Variants in P2RY2 observed in about 807,000 individuals in gnomAD.
P2RY2 encodes the protein P2Y purinoceptor 2.
For synonymous variants in P2RY2, 241 were observed against 231.9 expected, an observed-to-expected ratio of 1.04 and a Z score of -0.35; for missense variants, 567 against 515.7, an observed-to-expected ratio of 1.10 and a Z score of -0.96.
intron 1 of P2RY2, among the ~76,000 whole-genome samples, chr11:73,227,094 A>G (rs1451348276): frequency 6.6e-6 from 1 of 151,794 alleles, no homozygotes; most frequent in African/African-American, 2.4e-5. Flanking sequence ...CACAACCCCA[A>G]CAGGCCCTGG....
In P2RY2 at chr11:73,234,156, G is replaced by A. The variant is rs532902741; in HGVS notation, c.-4G>A. 76 of 1,599,714 alleles carry A rather than the reference G, an allele frequency of 4.8e-5. No homozygotes were observed. The South Asian group carries it at 7.3e-4, about 15-fold the overall frequency. On this transcript the variant is annotated splice_region_variant and 5_prime_UTR_variant, in exon 3 of 3. Transcript: ENST00000393597. ...GGCCCCACCCCTCCCTTCCCTGCAG[G>A]GCGATGGCAGCAGACCTGGGCCCCT... is the stretch of plus-strand genomic sequence containing the variant.
Position 73,225,480 on chromosome 11 carries a change from C to T in P2RY2, c.-199-2501C>T, listed in dbSNP as rs190181974. Among the ~76,000 whole-genome samples, 687 of 152,286 alleles carry T rather than the reference C, an allele frequency of 4.5e-3. 3 individuals carry two copies. The highest frequency in any genetic ancestry group is 0.016 in the African/African-American group (668 of 41,552). ...AACCACCCATCTGAAAAGAGTAAAT[C>T]CTGAGCCCTGCCAATTGGCATTCCT... On this transcript the variant is annotated intron_variant, in intron 1 of 2. Transcript: ENST00000393597.
Position 73,234,513 on chromosome 11 carries a change from C to A in P2RY2, c.354C>A (p.Tyr118Ter). ...GCTTCCTCTTCTACACCAACCTTTA[C>A]TGCAGCATCCTCTTCCTCACCTGCA... ...LVRFLFYTNL[Y>*]CSILFLTCIS... The change falls in exon 3 of 3, where the codon TAC (tyrosine) becomes TAA (stop). Residue 118 changes from tyrosine to a stop codon, truncating the protein, a stop_gained. Transcript: ENST00000393597. LOFTEE classifies it low-confidence loss of function (END_TRUNC). The A allele has an allele frequency of 6.2e-7, 1 of 1,612,434 alleles. No individual in the cohort carries two copies. Among genetic ancestry groups the A allele is most frequent in the Non-Finnish European group, 8.5e-7 (1 of 1,178,886 alleles).
In P2RY2 at chr11:73,234,098, G is replaced by A. The variant is rs1156254435; in HGVS notation, c.-4-58G>A. 56 of 1,526,862 alleles carry A rather than the reference G, an allele frequency of 3.7e-5. 2 individuals are homozygous for A. In the Admixed American group the frequency reaches 1.1e-3, roughly 31 times the overall value. The allele number at this position is 1,526,862 out of a possible 1,614,324, so 94.6% of individuals were successfully genotyped here. A position where few individuals can be genotyped will look rare whatever the true frequency, so the allele number is the denominator to read the frequency against. ...AGCCCTGGTCAGGTGGCTGTGTCAG[G>A]TCCCCTAGGGGCGCTCCGGCCACAA... On this transcript the variant is annotated intron_variant, in intron 2 of 2. Transcript: ENST00000393597.
intron 2 of P2RY2, among the ~76,000 whole-genome samples, chr11:73,228,571 C>A (rs1862353228): frequency 6.6e-6 from 1 of 152,168 alleles, no homozygotes; most frequent in Non-Finnish European, 1.5e-5. Context: ...CAATCCATCT[C>A]CAGAGCGCCC....
At chr11:73,231,402 A>G (rs866773143) in intron 2 of P2RY2, among the ~76,000 whole-genome samples, 2 of 151,198 alleles carry the variant, frequency 1.3e-5, no homozygotes, top group Admixed American at 1.3e-4. Context: ...CAAAAAAAAA[A>G]AAAAAAAAGC....
At chr11:73,226,353 G>A (rs942383879) in intron 1 of P2RY2, among the ~76,000 whole-genome samples, 4 of 152,166 alleles carry the variant, frequency 2.6e-5, no homozygotes, top group African/African-American at 9.7e-5. Flanking sequence ...CCTGGGTGCA[G>A]CAGGGTGAAA....
intron 1 of P2RY2, among the ~76,000 whole-genome samples, chr11:73,223,828 A>G (rs896788201): frequency 1.3e-5 from 2 of 152,242 alleles, no homozygotes; most frequent in East Asian, 1.9e-4. Flanking sequence ...GTCCTGCTCT[A>G]TGTTGGGGGT....
In P2RY2 at chr11:73,231,816, A is replaced by C. The variant is rs928400539; in HGVS notation, c.-4-2340A>C. On this transcript the variant is annotated intron_variant, in intron 2 of 2. Transcript: ENST00000393597. Reference sequence around the variant, plus strand: ...TGTAATCCCAGCACTTTGAGAGACTAAGGCGGGCAGATCACTTGAGGTCAG... The same window carrying C: ...TGTAATCCCAGCACTTTGAGAGACTCAGGCGGGCAGATCACTTGAGGTCAG... Among the ~76,000 whole-genome samples the C allele has an allele frequency of 2.0e-5, 3 of 152,048 alleles. No homozygotes were observed. In the East Asian group the frequency reaches 5.8e-4, roughly 29 times the overall value.
In P2RY2 at chr11:73,237,965, T is replaced by G. The variant is rs1862693624; in HGVS notation, c.*2672T>G. On this transcript the variant is annotated 3_prime_UTR_variant, in exon 3 of 3. Transcript: ENST00000393597. ...CTGCCCCCTTCACACCTCCCTAACC[T>G]GACATCACTTCCTGGGCTGTTGACT... is the stretch of plus-strand genomic sequence containing the variant. 6.6e-6 allele frequency among the ~76,000 whole-genome samples: 1 copy of G among 152,188 alleles called. No homozygotes were observed. Among genetic ancestry groups the G allele is most frequent in the South Asian group, 2.1e-4 (1 of 4,834 alleles).
Position 73,237,181 on chromosome 11 carries a change from T to G in P2RY2, c.*1888T>G. The G allele has an allele frequency of 2.3e-6, 2 of 855,872 alleles. No individual in the cohort carries two copies. Among genetic ancestry groups the G allele is most frequent in the Middle Eastern group, 6.0e-4 (1 of 1,674 alleles). 53.0% of individuals were successfully genotyped at this position (855,872 alleles called of 1,614,324 possible). ...CAGGTGGGTGACCTGCCCAGAATAG[T>G]GTGAGCTATTCACCTCTCACCTTCT... On this transcript the variant is annotated 3_prime_UTR_variant, in exon 3 of 3. Transcript: ENST00000393597.
In P2RY2 at chr11:73,236,984, G is replaced by A. The variant is rs568086271; in HGVS notation, c.*1691G>A. The stretch of plus-strand genomic sequence containing the variant: ...CTCCTCTCCCTCTGGGAGAGCCCTC[G>A]CCCTGTGGCCCACTCTGCCTGCCCC... On this transcript the variant is annotated 3_prime_UTR_variant, in exon 3 of 3. Coordinates refer to ENST00000393597, the MANE Select transcript of P2RY2 (RefSeq NM_002564.4). 34 of 985,124 alleles carry A rather than the reference G, an allele frequency of 3.5e-5. No homozygotes were observed. The South Asian group carries it at 1.0e-3, about 30-fold the overall frequency. The allele number at this position is 985,124 out of a possible 1,614,324, so 61.0% of individuals were successfully genotyped here.
Position 73,238,066 on chromosome 11 carries a change from CAG to C in P2RY2, c.*2775_*2776del, listed in dbSNP as rs1218907716. On this transcript the variant is annotated 3_prime_UTR_variant, in exon 3 of 3. Transcript: ENST00000393597. ...CCCCAGGGATTATCCAGCCCAGCTG[CAG>C]ACTCAAGGCCAGAGATGGGCAGGGC... Among the ~76,000 whole-genome samples the C allele has an allele frequency of 6.6e-6, 1 of 152,234 alleles. No individual in the cohort carries two copies. The highest frequency in any genetic ancestry group is 2.4e-5 in the African/African-American group (1 of 41,450).
At position 73,234,349 on chromosome 11, in the gene P2RY2, A is replaced by C. The variant is rs753826636; in HGVS notation, c.190A>C (p.Thr64Pro). 3 of 1,613,980 alleles carry C rather than the reference A, an allele frequency of 1.9e-6. No homozygotes were observed. Among genetic ancestry groups the C allele is most frequent in the Non-Finnish European group, 2.5e-6 (3 of 1,180,012 alleles). Reference sequence around the variant, plus strand: ...CTACATCTTCTTGTGCCGCCTCAAGACCTGGAATGCGTCCACCACATATAT... The same window carrying C: ...CTACATCTTCTTGTGCCGCCTCAAGCCCTGGAATGCGTCCACCACATATAT... ...ALYIFLCRLK[T>P]WNASTTYMFH... The change falls in exon 3 of 3, where the codon ACC (threonine) becomes CCC (proline). Residue 64 changes from threonine to proline, a missense_variant. Transcript: ENST00000393597.
chr11:73,228,184 G>T lies in P2RY2; in HGVS notation c.-5+9G>T, dbSNP rs1256902033. On this transcript the variant is annotated intron_variant, in intron 2 of 2. Transcript: ENST00000393597. ...GAGCAGGGGCTGGTCAGGTACGTGG[G>T]GTGGGGGTGGGGGGGAGCGGGTACG... 4.0e-5 allele frequency: 5 copies of T among 124,244 alleles called. No homozygotes were observed. The highest frequency in any genetic ancestry group is 1.6e-4 in the African/African-American group (5 of 31,518). The allele number at this position is 124,244 out of a possible 1,614,324, so 7.7% of individuals were successfully genotyped here.
intron 1 of P2RY2, among the ~76,000 whole-genome samples, chr11:73,219,107 G>T (rs964287853): frequency 2.0e-5 from 3 of 152,232 alleles, no homozygotes; most frequent in Admixed American, 6.5e-5. Context: ...CAGCCCAAGG[G>T]TTGGGGACTG....
At position 73,235,477 on chromosome 11, in the gene P2RY2, A is replaced by G. The variant is rs1039650890; in HGVS notation, c.*184A>G. ...TGGTCCAGAGTCAACTGTTCCCATA[A>G]CCCCTAGTCATCGTTTGTGTGTATA... On this transcript the variant is annotated 3_prime_UTR_variant, in exon 3 of 3. Transcript: ENST00000393597. The G allele has an allele frequency of 6.0e-6, 8 of 1,336,166 alleles. No homozygotes were observed. The highest frequency in any genetic ancestry group is 5.5e-4 in the Middle Eastern group (2 of 3,620). 82.8% of individuals were successfully genotyped at this position (1,336,166 alleles called of 1,614,324 possible).
intron 1 of P2RY2, 119 bp from the exon 2 acceptor site, chr11:73,227,862 C>T (rs1862324006): frequency 6.6e-6 from 1 of 152,152 alleles, no homozygotes; most frequent in African/African-American, 2.4e-5. Flanking sequence ...AACACCAGGC[C>T]ACCTCTCTGC....
chr11:73,231,485 A>G (rs1862456029), intron 2 of P2RY2, among the ~76,000 whole-genome samples: 1 of 151,238 alleles, frequency 6.6e-6, no homozygotes, highest in Admixed American at 6.6e-5. Context: ...TGAACCCAGG[A>G]GACAGAGGTT....
Sources: gnomAD v4.1 joint callset for allele counts (sites outside exome capture counted in the v4.1 genomes callset) on GRCh38, gnomAD v4.1.1 for gene constraint, MANE v1.5 for transcripts, NCBI Gene and HGNC (gene_info 2026-07-23, HGNC 2026-07-21) for gene names.